Variants in ZC3H12B observed in about 807,000 individuals in gnomAD.
The protein encoded by ZC3H12B is probable ribonuclease ZC3H12B.
ZC3H12B carries 7 observed loss-of-function variants against 43.9 expected under a neutral mutation model. That is an observed-to-expected ratio of 0.16 (90% confidence interval 0.09 to 0.30). The LOEUF (loss-of-function observed/expected upper bound fraction) is 0.30, where lower values mean the gene tolerates loss of function less well. Among genes scored for constraint, ZC3H12B ranks in the 10% least tolerant of loss-of-function variants. The pLI is 1.00. For synonymous variants in ZC3H12B, 222 were observed against 241.7 expected, an observed-to-expected ratio of 0.92 and a Z score of 0.76; for missense variants, 475 against 670.2, an observed-to-expected ratio of 0.71 and a Z score of 3.22.
chrX:65,150,508 G>A, the ZC3H12B span, among the ~76,000 whole-genome samples: 3 of 109,235 alleles, frequency 2.7e-5, no homozygotes, highest in Non-Finnish European at 5.7e-5. Flanking sequence ...CCCCCAACAG[G>A]CCCTGGTGTG....
At chrX:65,501,397 T>C (rs1320947040) in intron 4 of ZC3H12B, among the ~76,000 whole-genome samples, 3 of 109,169 alleles carry the variant, frequency 2.7e-5, no homozygotes, top group Non-Finnish European at 5.7e-5. Context: ...ACTGCAGACG[T>C]GCACCACCAT....
At chrX:65,290,421 C>A in the ZC3H12B span, among the ~76,000 whole-genome samples, 1 of 110,477 alleles carries the variant, frequency 9.1e-6, no homozygotes, top group Non-Finnish European at 1.9e-5. Context: ...CTATGGAAAA[C>A]AATGTTGAGA....
chrX:65,474,814 C>A (rs1180361225), intron 3 of ZC3H12B, among the ~76,000 whole-genome samples: 1 of 111,798 alleles, frequency 8.9e-6, no homozygotes, highest in African/African-American at 3.3e-5. Context: ...ACTATGTTGA[C>A]CAGTCTGGTC....
In ZC3H12B at chrX:65,386,379, G is replaced by A. The variant is rs769591195; in HGVS notation, n.296-12214G>A. 3.5e-4 allele frequency among the ~76,000 whole-genome samples: 39 copies of A among 111,724 alleles called. No homozygotes were observed. The South Asian group carries it at 0.015, about 42-fold the overall frequency. On this transcript the variant is annotated intron_variant and non_coding_transcript_variant, in intron 2 of 5. Coordinates refer to the ZC3H12B transcript ENST00000617377. Reference sequence around the variant, plus strand: ...TTCTTCCTGGTTTAGTCTTGGCAGGGTGTATGTGTCCAGTAATTTATTCAT... The same window carrying A: ...TTCTTCCTGGTTTAGTCTTGGCAGGATGTATGTGTCCAGTAATTTATTCAT...
chrX:65,449,773 G>T (rs970286467), intron 3 of ZC3H12B, among the ~76,000 whole-genome samples: 2 of 111,634 alleles, frequency 1.8e-5, no homozygotes, highest in African/African-American at 6.5e-5. Flanking sequence ...AATACTGTAT[G>T]TTCTCACTTA....
At chrX:65,285,272 C>T in the ZC3H12B span, among the ~76,000 whole-genome samples, 2 of 109,824 alleles carry the variant, frequency 1.8e-5, no homozygotes, top group African/African-American at 3.3e-5. Flanking sequence ...TTACCCTTCT[C>T]CCACCCTTTC....
chrX:65,151,887 T>A, the ZC3H12B span, among the ~76,000 whole-genome samples: 1 of 111,720 alleles, frequency 9.0e-6, no homozygotes, highest in Non-Finnish European at 1.9e-5. Context: ...TCCACCATGA[T>A]CAAGTGGGCT....
chrX:65,059,219 A>ACCCCCCCCCCC, the ZC3H12B span, among the ~76,000 whole-genome samples: 5 of 38,464 alleles, frequency 1.3e-4, no homozygotes, highest in Non-Finnish European at 2.0e-4. Context: ...TCTTGGAACC[A>ACCCCCCCCCCC]CCCCCCCCCC....
chrX:65,309,373 C>T, the ZC3H12B span, among the ~76,000 whole-genome samples: 13 of 111,772 alleles, frequency 1.2e-4, no homozygotes, highest in South Asian at 3.7e-4. Flanking sequence ...AACACATCTA[C>T]GCAAATAAAC....
chrX:65,038,123 G>T, the ZC3H12B span, among the ~76,000 whole-genome samples: 1 of 110,924 alleles, frequency 9.0e-6, no homozygotes, highest in African/African-American at 3.3e-5. Flanking sequence ...TATTCCATCC[G>T]TAGAGAGGTA....
At chrX:65,447,047 G>A (rs190309482) in intron 3 of ZC3H12B, among the ~76,000 whole-genome samples, 1 of 111,219 alleles carries the variant, frequency 9.0e-6, no homozygotes, top group African/African-American at 3.3e-5. Context: ...ATGTCTATTT[G>A]GTTCTTCAGA....
At chrX:65,189,310 C>G in the ZC3H12B span, among the ~76,000 whole-genome samples, 3 of 89,131 alleles carry the variant, frequency 3.4e-5, no homozygotes, top group Non-Finnish European at 6.4e-5. Flanking sequence ...GGGTATATAC[C>G]CAGTAATGGA....
chrX:65,225,877 A>G, the ZC3H12B span, among the ~76,000 whole-genome samples: 1 of 112,261 alleles, frequency 8.9e-6, no homozygotes, highest in Non-Finnish European at 1.9e-5. Context: ...GGACTTTGTG[A>G]AAAGACCAAA....
chrX:65,367,966 A>T (rs938420000), intron 1 of ZC3H12B, among the ~76,000 whole-genome samples: 1 of 111,619 alleles, frequency 9.0e-6, no homozygotes, highest in African/African-American at 3.3e-5. Context: ...TAGTGGGAAG[A>T]ATAATAAGAC....
the ZC3H12B span, among the ~76,000 whole-genome samples, chrX:65,195,928 T>C: frequency 8.9e-6 from 1 of 112,171 alleles, no homozygotes; most frequent in African/African-American, 3.2e-5. Context: ...TACTCACAAC[T>C]TTTGTTAATT....
At chrX:65,118,924 T>G in the ZC3H12B span, among the ~76,000 whole-genome samples, 3 of 108,605 alleles carry the variant, frequency 2.8e-5, no homozygotes, top group East Asian at 8.9e-4. Flanking sequence ...CTTGCGATAG[T>G]TTCCTCAGAA....
chrX:65,464,894 A>G (rs2067797874), intron 3 of ZC3H12B, among the ~76,000 whole-genome samples: 1 of 111,180 alleles, frequency 9.0e-6, no homozygotes, highest in African/African-American at 3.2e-5. Flanking sequence ...GAATCATCTG[A>G]TTGATTTCCA....
the ZC3H12B span, among the ~76,000 whole-genome samples, chrX:65,213,881 A>G: frequency 9.7e-6 from 1 of 103,619 alleles, no homozygotes; most frequent in African/African-American, 3.7e-5. Context: ...AGGCAACGTA[A>G]AAAAAAAATA....
intron 3 of ZC3H12B, among the ~76,000 whole-genome samples, chrX:65,452,677 C>T (rs1469592444): frequency 1.8e-5 from 2 of 111,371 alleles, no homozygotes; most frequent in African/African-American, 6.5e-5. Context: ...CCCATCTCTA[C>T]TAAAAATACA....
Sources: gnomAD v4.1 joint callset for allele counts (sites outside exome capture counted in the v4.1 genomes callset) on GRCh38, gnomAD v4.1.1 for gene constraint, MANE v1.5 for transcripts, NCBI Gene and HGNC (gene_info 2026-07-23, HGNC 2026-07-21) for gene names.